Variants in PCDHB6 observed in about 807,000 individuals in gnomAD.
The protein encoded by PCDHB6 is protocadherin beta 6, also known as protocadherin beta-6.
For synonymous variants in PCDHB6, 506 were observed against 459.0 expected, an observed-to-expected ratio of 1.10 and a Z score of -1.31; for missense variants, 1,137 against 1,010.1, an observed-to-expected ratio of 1.13 and a Z score of -1.70.
chr5:141,151,187 T>G lies in PCDHB6; in HGVS notation c.930T>G (p.Ile310Met), dbSNP rs1554277615. Residue 310 changes from isoleucine (I) to methionine (M), a missense_variant, in exon 1 of 1, where the codon ATT becomes ATG. By Grantham distance (10) the Ile-to-Met change is conservative. Transcript: ENST00000231136. Reference sequence around the variant, plus strand: ...GAAAGGCTTTGGATTTTGAGGAAATTCAGTCTTATGACGTGGATGTTGAGG... The same window carrying G: ...GAAAGGCTTTGGATTTTGAGGAAATGCAGTCTTATGACGTGGATGTTGAGG... ...RLRKALDFEE[I>M]QSYDVDVEAT... 6.2e-7 allele frequency: 1 copy of G among 1,614,140 alleles called. No individual in the cohort carries two copies. The highest frequency in any genetic ancestry group is 1.7e-5 in the Admixed American group (1 of 60,010).
At position 141,152,805 on chromosome 5, in the gene PCDHB6, T is replaced by TA; in HGVS notation, c.*164dup. ...TATTTCCTGTTCATGCTTAGTAGTT[T>TA]ATTACTTCACTTGAGGGTACTTGAC... On this transcript the variant is annotated 3_prime_UTR_variant, in exon 1 of 1. Coordinates refer to ENST00000231136, the MANE Select transcript of PCDHB6 (RefSeq NM_018939.4). 2 of 567,228 alleles carry TA rather than the reference T, an allele frequency of 3.5e-6. No individual in the cohort carries two copies. The highest frequency in any genetic ancestry group is 5.8e-6 in the Non-Finnish European group (2 of 346,558). The allele number at this position is 567,228 out of a possible 1,614,324, so 35.1% of individuals were successfully genotyped here.
chr5:141,151,832 C>A lies in PCDHB6; in HGVS notation c.1575C>A (p.Phe525Leu), dbSNP rs144225778. ...TGGACTACGAGGCCCTGCAGTCTTT[C>A]GAGTTCCGCGTGGGCGCCACAGACC... ...RSLDYEALQS[F>L]EFRVGATDRG... The change falls in exon 1 of 1, where the codon TTC (phenylalanine) becomes TTA (leucine). Residue 525 changes from phenylalanine to leucine, a missense_variant. Phe to Leu is a conservative substitution (Grantham distance 22). Coordinates refer to ENST00000231136, the MANE Select transcript of PCDHB6 (RefSeq NM_018939.4). 4.3e-5 allele frequency: 69 copies of A among 1,612,666 alleles called. No individual in the cohort carries two copies. Among genetic ancestry groups the A allele is most frequent in the Middle Eastern group, 2.0e-4 (1 of 5,060 alleles).
chr5:141,151,768 T>C lies in PCDHB6; in HGVS notation c.1511T>C (p.Ile504Thr). 1 of 1,613,334 alleles carries C rather than the reference T, an allele frequency of 6.2e-7. No individual in the cohort carries two copies. Among genetic ancestry groups the C allele is most frequent in the Non-Finnish European group, 8.5e-7 (1 of 1,180,004 alleles). Residue 504 changes from isoleucine to threonine, a missense_variant, in exon 1 of 1, where the codon ATC becomes ACC. By Grantham distance (89) the Ile-to-Thr change is moderately conservative. Coordinates refer to ENST00000231136, the MANE Select transcript of PCDHB6 (RefSeq NM_018939.4). ...CTGCCCCTCTCTTCCCTGGTCTCCA[T>C]CAACGCGGACAACGGCCACCTGTTT... ...PHLPLSSLVS[I>T]NADNGHLFAL... is the part of the protein sequence containing the mutation.
chr5:141,151,030 C>G lies in PCDHB6; in HGVS notation c.773C>G (p.Ser258Cys). The G allele has an allele frequency of 2.5e-6, 4 of 1,614,256 alleles. No homozygotes were observed. The highest frequency in any genetic ancestry group is 3.4e-6 in the Non-Finnish European group (4 of 1,180,042). ...GTCCCTGAGAACAACCCCCTCGGCT[C>G]TCTGGTTATTACCGTCTCAGCCAGA... ...AQVPENNPLG[S>C]LVITVSARDL... The change falls in exon 1 of 1, where the codon TCT becomes TGT. Residue 258 changes from serine to cysteine, a missense_variant. Ser to Cys is a moderately radical substitution (Grantham distance 112). Coordinates refer to ENST00000231136, the MANE Select transcript of PCDHB6 (RefSeq NM_018939.4).
At position 141,152,423 on chromosome 5, in the gene PCDHB6, C is replaced by T; in HGVS notation, c.2166C>T (p.Arg722=). 6.2e-7 allele frequency: 1 copy of T among 1,613,862 alleles called. No individual in the cohort carries two copies. Among genetic ancestry groups the T allele is most frequent in the African/African-American group, 1.3e-5 (1 of 74,958 alleles). ...CRRSRAASVG[R]YSVPEGPFPG... ...GGAGCAGGGCGGCCTCGGTGGGTCGCTACTCGGTGCCCGAGGGTCCCTTTC... is the reference window on the plus strand; with the variant it reads ...GGAGCAGGGCGGCCTCGGTGGGTCGTTACTCGGTGCCCGAGGGTCCCTTTC... The change falls in exon 1 of 1, where the codon CGC becomes CGT. Residue 722 remains arginine, a synonymous_variant. Transcript: ENST00000231136.
In PCDHB6 at chr5:141,151,733, G is replaced by A. The variant is rs139574362; in HGVS notation, c.1476G>A (p.Gln492=). The A allele has an allele frequency of 4.9e-4, 790 of 1,613,240 alleles. 4 individuals carry two copies. The African/African-American group carries it at 9.8e-3, about 20-fold the overall frequency. The change falls in exon 1 of 1, where the codon CAG becomes CAA. Residue 492 remains glutamine (Q), a synonymous_variant. Coordinates refer to ENST00000231136, the MANE Select transcript of PCDHB6 (RefSeq NM_018939.4). The part of the protein sequence containing the change: ...AQVTYSLLPP[Q]DPHLPLSSLV... ...TCACCTACTCGCTGCTGCCGCCCCA[G>A]GACCCGCACCTGCCCCTCTCTTCCC...
Position 141,151,435 on chromosome 5 carries a change from C to G in PCDHB6, c.1178C>G (p.Pro393Arg), listed in dbSNP as rs782699569. The G allele has an allele frequency of 3.7e-6, 6 of 1,614,152 alleles. No individual in the cohort carries two copies. Among genetic ancestry groups the G allele is most frequent in the Middle Eastern group, 1.6e-4 (1 of 6,062 alleles). ...AACAATCTCCCCTTTCTACTAAGAC[C>G]TTCCGTGGAGAATTTCTACACCCTG... ...IENNLPFLLR[P>R]SVENFYTLVT... The change falls in exon 1 of 1, where the codon CCT becomes CGT. Residue 393 changes from proline to arginine, a missense_variant. Physicochemically the swap from Pro to Arg is moderately radical, Grantham distance 103. Transcript: ENST00000231136.
chr5:141,152,407 C>T lies in PCDHB6; in HGVS notation c.2150C>T (p.Ala717Val), dbSNP rs1471552438. Reference sequence around the variant, plus strand: ...GTGCGGCTGTGCAGGAGGAGCAGGGCGGCCTCGGTGGGTCGCTACTCGGTG... The same window carrying T: ...GTGCGGCTGTGCAGGAGGAGCAGGGTGGCCTCGGTGGGTCGCTACTCGGTG... ...VAVRLCRRSR[A>V]ASVGRYSVPE... Residue 717 changes from alanine to valine, a missense_variant, in exon 1 of 1, where the codon GCG becomes GTG. Transcript: ENST00000231136. 2.5e-6 allele frequency: 4 copies of T among 1,613,204 alleles called. No individual in the cohort carries two copies. The highest frequency in any genetic ancestry group is 1.7e-5 in the Admixed American group (1 of 60,016).
In PCDHB6 at chr5:141,150,219, C is replaced by T. The variant is rs781877049; in HGVS notation, c.-39C>T. ...CGACGGTAGATGTGGTGATTGGGAG[C>T]TGAAAAGGATTTTTCTTCCGTATTC... On this transcript the variant is annotated 5_prime_UTR_variant, in exon 1 of 1. Coordinates refer to ENST00000231136, the MANE Select transcript of PCDHB6 (RefSeq NM_018939.4). The T allele has an allele frequency of 6.7e-7, 1 of 1,490,280 alleles. No homozygotes were observed. Among genetic ancestry groups the T allele is most frequent in the South Asian group, 1.2e-5 (1 of 81,118 alleles). 92.3% of individuals were successfully genotyped at this position (1,490,280 alleles called of 1,614,324 possible). A position where few individuals can be genotyped will look rare whatever the true frequency, so the allele number is the denominator to read the frequency against.
Position 141,151,355 on chromosome 5 carries a change from C to T in PCDHB6, c.1098C>T (p.Phe366=). The change falls in exon 1 of 1, where the codon TTC becomes TTT. Residue 366 remains phenylalanine (F), a synonymous_variant. Transcript: ENST00000231136. ...TACCAGAGATCACAGTGGCAGTTTTCAGTGTTTCAGATGCAGACTCTGGAC... is the reference window on the plus strand; with the variant it reads ...TACCAGAGATCACAGTGGCAGTTTTTAGTGTTTCAGATGCAGACTCTGGAC... ...ENLPEITVAV[F]SVSDADSGHN... 1 of 1,614,126 alleles carries T rather than the reference C, an allele frequency of 6.2e-7. No homozygotes were observed. Among genetic ancestry groups the T allele is most frequent in the Non-Finnish European group, 8.5e-7 (1 of 1,180,026 alleles).
At position 141,152,783 on chromosome 5, in the gene PCDHB6, T is replaced by C; in HGVS notation, c.*141T>C. 1 of 711,998 alleles carries C rather than the reference T, an allele frequency of 1.4e-6. No individual in the cohort carries two copies. Among genetic ancestry groups the C allele is most frequent in the South Asian group, 2.8e-5 (1 of 35,932 alleles). 44.1% of individuals were successfully genotyped at this position (711,998 alleles called of 1,614,324 possible). On this transcript the variant is annotated 3_prime_UTR_variant, in exon 1 of 1. Coordinates refer to ENST00000231136, the MANE Select transcript of PCDHB6 (RefSeq NM_018939.4). The stretch of plus-strand genomic sequence containing the variant: ...AAGTAAGATACTGGTATCTTAGTAT[T>C]TCCTGTTCATGCTTAGTAGTTTATT...
Position 141,151,232 on chromosome 5 carries a change from A to T in PCDHB6, c.975A>T (p.Leu325=). 6.2e-7 allele frequency: 1 copy of T among 1,614,196 alleles called. No individual in the cohort carries two copies. The highest frequency in any genetic ancestry group is 8.5e-7 in the Non-Finnish European group (1 of 1,180,044). The change falls in exon 1 of 1, where the codon CTA becomes CTT. Residue 325 remains leucine, a synonymous_variant. Transcript: ENST00000231136. The stretch of plus-strand genomic sequence containing the variant: ...TTGAGGCTACAGATGGTGGAGGCCT[A>T]TCAGGAAAATGCTCTTTAGTCGTCA... The part of the protein sequence containing the change: ...VDVEATDGGG[L]SGKCSLVVRV...
At position 141,151,003 on chromosome 5, in the gene PCDHB6, A is replaced by G. The variant is rs1554277567; in HGVS notation, c.746A>G (p.Gln249Arg). The G allele has an allele frequency of 6.2e-7, 1 of 1,614,200 alleles. No homozygotes were observed. Among genetic ancestry groups the G allele is most frequent in the Non-Finnish European group, 8.5e-7 (1 of 1,180,042 alleles). ...TTTGCTCAGGAGCTCTATGAAGCAC[A>G]AGTCCCTGAGAACAACCCCCTCGGC... ...PEFAQELYEAQVPENNPLGSL... is the reference protein window; with the variant it reads ...PEFAQELYEARVPENNPLGSL... The change falls in exon 1 of 1, where the codon CAA becomes CGA. Residue 249 changes from glutamine to arginine, a missense_variant. By Grantham distance (43) the Gln-to-Arg change is conservative (BLOSUM62 1). Transcript: ENST00000231136.
Position 141,152,278 on chromosome 5 carries a change from C to A in PCDHB6, c.2021C>A (p.Ala674Glu). 1.9e-6 allele frequency: 3 copies of A among 1,608,164 alleles called. No homozygotes were observed. Among genetic ancestry groups the A allele is most frequent in the Non-Finnish European group, 2.5e-6 (3 of 1,179,800 alleles). The part of the protein sequence containing the change: ...FSQPYLPLPE[A>E]APAQAQADSL... ...CAGCCCTACCTGCCTCTCCCTGAGG[C>A]GGCCCCGGCCCAAGCCCAGGCCGAC... Residue 674 changes from alanine to glutamate, a missense_variant, in exon 1 of 1, where the codon GCG becomes GAG. Physicochemically the swap from Ala to Glu is moderately radical, Grantham distance 107 (BLOSUM62 -1). Coordinates refer to ENST00000231136, the MANE Select transcript of PCDHB6 (RefSeq NM_018939.4).
At position 141,151,844 on chromosome 5, in the gene PCDHB6, G is replaced by T; in HGVS notation, c.1587G>T (p.Val529=). 9 of 1,612,592 alleles carry T rather than the reference G, an allele frequency of 5.6e-6. No homozygotes were observed. Among genetic ancestry groups the T allele is most frequent in the Non-Finnish European group, 7.6e-6 (9 of 1,179,858 alleles). ...YEALQSFEFR[V]GATDRGSPAL... Reference sequence around the variant, plus strand: ...CCCTGCAGTCTTTCGAGTTCCGCGTGGGCGCCACAGACCGCGGCTCCCCGG... The same window carrying T: ...CCCTGCAGTCTTTCGAGTTCCGCGTTGGCGCCACAGACCGCGGCTCCCCGG... The change falls in exon 1 of 1, where the codon GTG becomes GTT. Residue 529 remains valine, a synonymous_variant. Coordinates refer to ENST00000231136, the MANE Select transcript of PCDHB6 (RefSeq NM_018939.4).
chr5:141,150,253 T>C lies in PCDHB6; in HGVS notation c.-5T>C, dbSNP rs782228006. 2.2e-5 allele frequency: 36 copies of C among 1,602,052 alleles called. 1 individual carries two copies. In the South Asian group the frequency reaches 3.5e-4, roughly 16 times the overall value. On this transcript the variant is annotated 5_prime_UTR_variant, in exon 1 of 1. Transcript: ENST00000231136. ...ATTTTTCTTCCGTATTCAGACATAA[T>C]AGACATGATGCAAACTAAAGTACAG...
At position 141,151,987 on chromosome 5, in the gene PCDHB6, C is replaced by A; in HGVS notation, c.1730C>A (p.Ala577Glu). 2 of 1,609,612 alleles carry A rather than the reference C, an allele frequency of 1.2e-6. No homozygotes were observed. The highest frequency in any genetic ancestry group is 1.7e-6 in the Non-Finnish European group (2 of 1,179,568). The stretch of plus-strand genomic sequence containing the variant: ...CCCTGCACCGAGCTGGTGCCCCGGG[C>A]GGCCGAGCCGGGCTACCTGGTGACC... ...SAPCTELVPR[A>E]AEPGYLVTKV... Residue 577 changes from alanine (A) to glutamate (E), a missense_variant, in exon 1 of 1, where the codon GCG becomes GAG. By Grantham distance (107) the Ala-to-Glu change is moderately radical. Transcript: ENST00000231136.
At position 141,151,405 on chromosome 5, in the gene PCDHB6, T is replaced by A; in HGVS notation, c.1148T>A (p.Ile383Lys). ...SGHNQQVICS[I>K]ENNLPFLLRP... is the part of the protein sequence containing the mutation. ...CATAACCAACAGGTTATTTGTTCAA[T>A]AGAGAACAATCTCCCCTTTCTACTA... The change falls in exon 1 of 1, where the codon ATA (isoleucine) becomes AAA (lysine). Residue 383 changes from isoleucine to lysine, a missense_variant. Coordinates refer to ENST00000231136, the MANE Select transcript of PCDHB6 (RefSeq NM_018939.4). 1 of 1,614,152 alleles carries A rather than the reference T, an allele frequency of 6.2e-7. No homozygotes were observed. Among genetic ancestry groups the A allele is most frequent in the Non-Finnish European group, 8.5e-7 (1 of 1,180,034 alleles).
Position 141,151,975 on chromosome 5 carries a change from T to C in PCDHB6, c.1718T>C (p.Leu573Pro), listed in dbSNP as rs1752887157. Residue 573 changes from leucine to proline, a missense_variant, in exon 1 of 1, where the codon CTG (leucine) becomes CCG (proline). Transcript: ENST00000231136. ...AACGGCTCCGCGCCCTGCACCGAGC[T>C]GGTGCCCCGGGCGGCCGAGCCGGGC... ...LQNGSAPCTELVPRAAEPGYL... is the reference protein window; with the variant it reads ...LQNGSAPCTEPVPRAAEPGYL... The C allele has an allele frequency of 1.2e-6, 2 of 1,610,046 alleles. No individual in the cohort carries two copies. The highest frequency in any genetic ancestry group is 1.1e-5 in the South Asian group (1 of 90,968).
Sources: allele counts gnomAD v4.1 joint callset, GRCh38; gene constraint gnomAD v4.1.1; transcripts MANE v1.5; gene names NCBI Gene and HGNC (gene_info 2026-07-23, HGNC 2026-07-21).